Variants in TRIM44 observed in about 807,000 individuals in gnomAD.
TRIM44 encodes the protein tripartite motif containing 44.
In TRIM44, 13 loss-of-function variants were observed where a neutral mutation model predicts 37.4. The ratio of observed to expected loss-of-function variants is 0.35; its 90% CI spans 0.23 to 0.55. The LOEUF (loss-of-function observed/expected upper bound fraction) is 0.55. TRIM44 is among the 20% of genes least tolerant of loss of function. The probability of loss-of-function intolerance (pLI) is 0.89; values close to 1 mark genes in which losing one functional copy is unlikely to be tolerated. For synonymous variants in TRIM44, 175 were observed against 157.2 expected (o/e 1.11, Z -0.85); for missense variants, 426 against 437.2 (o/e 0.97, Z 0.23).
intron 4 of TRIM44, among the ~76,000 whole-genome samples, chr11:35,746,024 A>C (rs1344242733): frequency 9.2e-5 from 14 of 152,222 alleles, no homozygotes. Context: ...AGCAACATTG[A>C]AGCACCATCT....
At chr11:35,747,791 C>T (rs1048317667) in intron 4 of TRIM44, among the ~76,000 whole-genome samples, 1 of 151,778 alleles carries the variant, frequency 6.6e-6, no homozygotes, top group South Asian at 2.1e-4. Flanking sequence ...CACTGTTCAC[C>T]AAGTGGCAGG....
chr11:35,715,511 A>G (rs1852029882), intron 2 of TRIM44, among the ~76,000 whole-genome samples: 1 of 151,972 alleles, frequency 6.6e-6, no homozygotes, highest in South Asian at 2.1e-4. Context: ...AAGGCAATTC[A>G]GAAGAAGCAT....
chr11:35,792,194 CA>C (rs1853225088), intron 4 of TRIM44, among the ~76,000 whole-genome samples: 1 of 151,840 alleles, frequency 6.6e-6, no homozygotes, highest in Non-Finnish European at 1.5e-5. Flanking sequence ...TGTTTGTTGT[CA>C]ACTTACTGGA....
At chr11:35,740,874 GT>G (rs936784001) in intron 4 of TRIM44, among the ~76,000 whole-genome samples, 2 of 151,682 alleles carry the variant, frequency 1.3e-5, no homozygotes, top group South Asian at 2.1e-4. Flanking sequence ...AATTTGGTGG[GT>G]TTTTTTTCCT....
intron 4 of TRIM44, among the ~76,000 whole-genome samples, chr11:35,759,035 G>T (rs965129170): frequency 6.6e-6 from 1 of 152,070 alleles, no homozygotes; most frequent in Admixed American, 6.5e-5. Context: ...TCCTGAATTT[G>T]AATGTTGGCC....
At chr11:35,778,941 G>A (rs1460664759) in intron 4 of TRIM44, among the ~76,000 whole-genome samples, 2 of 152,168 alleles carry the variant, frequency 1.3e-5, no homozygotes, top group East Asian at 1.9e-4. Flanking sequence ...GATCTCAAAC[G>A]CCGTTGTGGG....
At chr11:35,691,026 C>T (rs892341199) in intron 2 of TRIM44, among the ~76,000 whole-genome samples, 4 of 152,202 alleles carry the variant, frequency 2.6e-5, no homozygotes, top group African/African-American at 4.8e-5. Flanking sequence ...CTTCTACCTC[C>T]CTTTACTGGG....
intron 4 of TRIM44, among the ~76,000 whole-genome samples, chr11:35,737,065 C>T (rs1746944457): frequency 6.6e-6 from 1 of 151,968 alleles, no homozygotes; most frequent in Admixed American, 6.6e-5. Flanking sequence ...AGGAAGGGCT[C>T]CTAAGTTAGT....
chr11:35,717,407 G>C (rs1474355570), intron 2 of TRIM44, among the ~76,000 whole-genome samples: 1 of 151,912 alleles, frequency 6.6e-6, no homozygotes, highest in Non-Finnish European at 1.5e-5. Context: ...TTTAAAGTCT[G>C]GTGTCAAAGG....
In TRIM44 at chr11:35,812,344, G is replaced by C. The variant is rs770150853; in HGVS notation, c.*5959G>C. On this transcript the variant is annotated 3_prime_UTR_variant, in exon 5 of 5. Transcript: ENST00000299413. ...GAAATAGAAACAAAAGCAAAAGACT[G>C]CTTGAAGTCAGTAACAGACTGCACT... 20 of 152,144 alleles carry C rather than the reference G, an allele frequency of 1.3e-4. No homozygotes were observed. Among genetic ancestry groups the C allele is most frequent in the Admixed American group, 7.9e-4 (12 of 15,272 alleles). The allele number at this position is 152,144 out of a possible 1,614,324, so 9.4% of individuals were successfully genotyped here.
intron 1 of TRIM44, among the ~76,000 whole-genome samples, chr11:35,682,885 GAC>G (rs1160874273): frequency 6.6e-6 from 1 of 152,132 alleles, no homozygotes; most frequent in Non-Finnish European, 1.5e-5. Flanking sequence ...AAGGTTTTAA[GAC>G]ACAGTTTGGT....
At position 35,663,623 on chromosome 11, in the gene TRIM44, CAGAG is replaced by C; in HGVS notation, c.517_520del (p.Arg173TrpfsTer13). On this transcript the variant is annotated frameshift_variant, in exon 1 of 5. Coordinates refer to ENST00000299413, the MANE Select transcript of TRIM44 (RefSeq NM_017583.6). LOFTEE classifies it high-confidence loss of function. ...TTTGACCCAGAAATAGAAATGGAAG[CAGAG>C]AGAGTGGCCAAGAGGAAGTGTCCGG... is the stretch of plus-strand genomic sequence containing the variant. The C allele has an allele frequency of 6.2e-7, 1 of 1,614,082 alleles. No individual in the cohort carries two copies. The highest frequency in any genetic ancestry group is 8.5e-7 in the Non-Finnish European group (1 of 1,180,030).
intron 4 of TRIM44, among the ~76,000 whole-genome samples, chr11:35,757,642 A>G (rs932044364): frequency 9.2e-5 from 14 of 152,182 alleles, no homozygotes; most frequent in African/African-American, 3.1e-4. Flanking sequence ...ATTTAGTGCT[A>G]TAAATTTTCC....
intron 4 of TRIM44, among the ~76,000 whole-genome samples, chr11:35,755,257 A>C (rs752210187): frequency 6.6e-6 from 1 of 152,166 alleles, no homozygotes; most frequent in African/African-American, 2.4e-5. Flanking sequence ...AATGGCCAGT[A>C]ATGATGAGCA....
intron 2 of TRIM44, among the ~76,000 whole-genome samples, chr11:35,703,260 T>C (rs927620989): frequency 3.9e-5 from 6 of 152,168 alleles, no homozygotes; most frequent in Admixed American, 6.5e-5. Flanking sequence ...CCGGGAAGCT[T>C]GAACTGGGTG....
intron 4 of TRIM44, among the ~76,000 whole-genome samples, chr11:35,789,453 T>C (rs886300078): frequency 1.1e-4 from 16 of 148,674 alleles, no homozygotes; most frequent in Admixed American, 1.3e-4. Flanking sequence ...CCATGTGCTA[T>C]ATGTTTTTAC....
rs955120091 is a variant in TRIM44 at position 35,695,678 on chromosome 11, A to G, written c.747+10342A>G. 1.1e-4 allele frequency among the ~76,000 whole-genome samples: 17 copies of G among 152,302 alleles called. No homozygotes were observed. In the East Asian group the frequency reaches 2.9e-3, roughly 26 times the overall value. ...TCAGAAACTGCATCAGCATTAAGCA[A>G]TTAACTGTGGGAATGACTTTAAATC... On this transcript the variant is annotated intron_variant, in intron 2 of 4. Transcript: ENST00000299413.
At chr11:35,680,909 G>C (rs953725295) in intron 1 of TRIM44, among the ~76,000 whole-genome samples, 3 of 151,514 alleles carry the variant, frequency 2.0e-5, no homozygotes, top group African/African-American at 7.3e-5. Context: ...TTTTTTTTAA[G>C]ACAGGGTCTC....
chr11:35,695,936 TGTAATCTG>T (rs1851692374), intron 2 of TRIM44, among the ~76,000 whole-genome samples: 1 of 151,716 alleles, frequency 6.6e-6, no homozygotes, highest in African/African-American at 2.4e-5. Flanking sequence ...ATGTCAAATC[TGTAATCTG>T]TTTACCTCTC....
Sources: allele counts gnomAD v4.1 joint callset (sites outside exome capture counted in the v4.1 genomes callset), GRCh38; gene constraint gnomAD v4.1.1; transcripts MANE v1.5; gene names NCBI Gene and HGNC (gene_info 2026-07-23, HGNC 2026-07-21).